KIF5A: variants seen among roughly 807,000 people sequenced by gnomAD.
KIF5A encodes the protein kinesin heavy chain isoform 5A.
A neutral mutation model predicts 141.3 loss-of-function variants in KIF5A; 35 were observed. The observed-to-expected ratio is 0.25, with a 90% confidence interval of 0.19 to 0.33. KIF5A has a LOEUF of 0.33. Ranked by LOEUF, KIF5A falls within the 10% of genes least tolerant of loss-of-function variation. The pLI is 1.00. For synonymous variants in KIF5A, 448 were observed against 500.2 expected (o/e 0.90, Z 1.39); for missense variants, 861 against 1,314.3 (o/e 0.66, Z 5.33).
At position 57,572,143 on chromosome 12, in the gene KIF5A, A is replaced by C; in HGVS notation, c.1445A>C (p.Asp482Ala). ...HLQSENDAAKDEVKEVLQALE... is the reference protein window; with the variant it reads ...HLQSENDAAKAEVKEVLQALE... ...CAATCAGAGAACGATGCCGCTAAGG[A>C]TGAGGTGAAGGAAGTGCTGCAGGCC... is the stretch of plus-strand genomic sequence containing the variant. The change falls in exon 14 of 29, where the codon GAT becomes GCT. Residue 482 changes from aspartate to alanine, a missense_variant. Asp to Ala is a moderately radical substitution (Grantham distance 126). This residue lies in a region of KIF5A where 167 missense variants were observed against 192.0 expected (regional missense o/e 0.87). Transcript: ENST00000455537. This position sits in a 1 kb window ranked among gnomAD's most constrained non-coding sequence, Gnocchi z 4.2. 6.2e-7 allele frequency: 1 copy of C among 1,614,172 alleles called. No individual in the cohort carries two copies. Among genetic ancestry groups the C allele is most frequent in the African/African-American group, 1.3e-5 (1 of 75,062 alleles).
chr12:57,575,378 G>A, intron 16 of KIF5A, 106 bp downstream of exon 16: 1 of 1,302,460 alleles, frequency 7.7e-7, no homozygotes, highest in Non-Finnish European at 1.1e-6. Context: ...AAGTTCTGGG[G>A]TCAAGTGAAA....
In KIF5A at chr12:57,572,032, T is replaced by C; in HGVS notation, c.1363-29T>C. Reference sequence around the variant, plus strand: ...TAGAAATGGTCACTGGCAGTGATCTTTCCCACATGCCACTCCTCTCCCTTG... The same window carrying C: ...TAGAAATGGTCACTGGCAGTGATCTCTCCCACATGCCACTCCTCTCCCTTG... On this transcript the variant is annotated intron_variant, in intron 13 of 28. Transcript: ENST00000455537. The surrounding 1 kb of genome is among the most constrained non-coding windows in gnomAD (Gnocchi z 4.2). 1 of 1,595,792 alleles carries C rather than the reference T, an allele frequency of 6.3e-7. No individual in the cohort carries two copies. Among genetic ancestry groups the C allele is most frequent in the East Asian group, 2.2e-5 (1 of 44,766 alleles).
intron 15 of KIF5A, among the ~76,000 whole-genome samples, chr12:57,573,198 A>C (rs897914572): frequency 6.6e-6 from 1 of 152,152 alleles, no homozygotes; most frequent in African/African-American, 2.4e-5. Flanking sequence ...CTTAAAAACA[A>C]AACAAAACAA....
In KIF5A at chr12:57,551,253, C is replaced by T. The variant is rs80257125; in HGVS notation, c.129+853C>T. On this transcript the variant is annotated intron_variant, in intron 1 of 28. Coordinates refer to ENST00000455537, the MANE Select transcript of KIF5A (RefSeq NM_004984.4). ...TATTAACAGTGGGCCTGTTACTCTA[C>T]GTATATTATTTAACCCCCAAAACAA... is the stretch of plus-strand genomic sequence containing the variant. Among the ~76,000 whole-genome samples the T allele has an allele frequency of 2.8e-3, 428 of 152,256 alleles. 15 individuals are homozygous for T. The East Asian group carries it at 0.072, about 25-fold the overall frequency.
At position 57,572,039 on chromosome 12, in the gene KIF5A, A is replaced by G. The variant is rs373198221; in HGVS notation, c.1363-22A>G. On this transcript the variant is annotated intron_variant, in intron 13 of 28. Transcript: ENST00000455537. This position sits in a 1 kb window ranked among gnomAD's most constrained non-coding sequence, Gnocchi z 4.2. ...GGTCACTGGCAGTGATCTTTCCCACATGCCACTCCTCTCCCTTGAAGCTGC... is the reference window on the plus strand; with the variant it reads ...GGTCACTGGCAGTGATCTTTCCCACGTGCCACTCCTCTCCCTTGAAGCTGC... The G allele has an allele frequency of 6.2e-7, 1 of 1,604,042 alleles. No individual in the cohort carries two copies. The highest frequency in any genetic ancestry group is 8.5e-7 in the Non-Finnish European group (1 of 1,173,086).
chr12:57,576,507 G>A (rs531983858), intron 19 of KIF5A, 129 bp downstream of exon 19: 33 of 779,090 alleles, frequency 4.2e-5, no homozygotes, highest in South Asian at 5.8e-5. Flanking sequence ...CCACAACTTC[G>A]TAGCCCCACC....
chr12:57,564,220 G>C lies in KIF5A; in HGVS notation c.396+8G>C, dbSNP rs1881995138. ...CTTGAGTTCCACATCAAGGTGACCA[G>C]GGCACGACAGCTGGGCATTCAGATG... On this transcript the variant is annotated splice_region_variant and intron_variant, in intron 4 of 28. Transcript: ENST00000455537. The C allele has an allele frequency of 6.4e-7, 1 of 1,572,292 alleles. No individual in the cohort carries two copies. The highest frequency in any genetic ancestry group is 8.8e-7 in the Non-Finnish European group (1 of 1,141,934).
chr12:57,567,072 A>C, intron 6 of KIF5A, 54 bp from the exon 7 acceptor site: 2 of 1,017,452 alleles, frequency 2.0e-6, no homozygotes, highest in South Asian at 3.0e-5. Context: ...TAAATAAATA[A>C]ATACAAACTT....
intron 1 of KIF5A, among the ~76,000 whole-genome samples, chr12:57,555,698 C>G (rs956156480): frequency 6.6e-6 from 1 of 151,594 alleles, no homozygotes; most frequent in Non-Finnish European, 1.5e-5. Context: ...ATAACAAGGT[C>G]AGGAGTTCGA....
rs1282416657 is a variant in KIF5A at position 57,576,248 on chromosome 12, TTGGGG to T, written c.2089-14_2089-10del. 1 of 1,613,274 alleles carries T rather than the reference TTGGGG, an allele frequency of 6.2e-7. No individual in the cohort carries two copies. The highest frequency in any genetic ancestry group is 1.3e-5 in the African/African-American group (1 of 75,006). On this transcript the variant is annotated splice_polypyrimidine_tract_variant and intron_variant, in intron 18 of 28. Transcript: ENST00000455537. ...GTTGCTGGGAGTCTGGCCTTTGAGC[TTGGGG>T]TGGGGTTGTTTGCAGAAGGCTCTGG... is the stretch of plus-strand genomic sequence containing the variant.
rs555572194 is a variant in KIF5A at position 57,574,493 on chromosome 12, C to T, written c.1717-591C>T. ...TTCACCATATTGGCCAGGCTGGTCTCGAACTCCTGACCTCGTAGTCCACCC... is the reference window on the plus strand; with the variant it reads ...TTCACCATATTGGCCAGGCTGGTCTTGAACTCCTGACCTCGTAGTCCACCC... On this transcript the variant is annotated intron_variant, in intron 15 of 28. Transcript: ENST00000455537. Among the ~76,000 whole-genome samples, 11 of 151,698 alleles carry T rather than the reference C, an allele frequency of 7.3e-5. No homozygotes were observed. The East Asian group carries it at 1.2e-3, about 16-fold the overall frequency.
At chr12:57,575,421 C>T in intron 16 of KIF5A, 149 bp downstream of exon 16, 1 of 987,946 alleles carries the variant, frequency 1.0e-6, no homozygotes, top group South Asian at 1.4e-5. Context: ...GGCAGGGGTG[C>T]AGATCAGGGC....
rs770854118 is a variant in KIF5A at position 57,564,073 on chromosome 12, C to G, written c.292-35C>G. 43 of 1,466,760 alleles carry G rather than the reference C, an allele frequency of 2.9e-5. No homozygotes were observed. In the South Asian group the frequency reaches 4.4e-4, roughly 15 times the overall value. The allele number at this position is 1,466,760 out of a possible 1,614,324, so 90.9% of individuals were successfully genotyped here. ...TCTGAGTTGTCTCATTCTCCCTGAG[C>G]CCCAGCTTCACTCTCAAATACCTTC... On this transcript the variant is annotated intron_variant, in intron 3 of 28. Coordinates refer to ENST00000455537, the MANE Select transcript of KIF5A (RefSeq NM_004984.4).
At position 57,582,309 on chromosome 12, in the gene KIF5A, G is replaced by C. The variant is rs148806802; in HGVS notation, c.2993-293G>C. On this transcript the variant is annotated intron_variant, in intron 26 of 28. Coordinates refer to ENST00000455537, the MANE Select transcript of KIF5A (RefSeq NM_004984.4). The stretch of plus-strand genomic sequence containing the variant: ...AAAAGTGACCCTGTACCTACAGCCT[G>C]AGCACTGCCCAGCCCTTTAGGTCTC... Among the ~76,000 whole-genome samples, 599 of 152,180 alleles carry C rather than the reference G, an allele frequency of 3.9e-3. 1 individual carries two copies. The highest frequency in any genetic ancestry group is 0.014 in the African/African-American group (575 of 41,510).
intron 8 of KIF5A, 78 bp from the exon 9 acceptor site, chr12:57,568,885 T>C (rs1388822006): frequency 1.4e-5 from 13 of 912,080 alleles, no homozygotes; most frequent in Non-Finnish European, 2.1e-5. Context: ...CTCCGTGGAC[T>C]GAGCCCTGGA....
At chr12:57,583,243 G>A in intron 28 of KIF5A, 28 bp downstream of exon 28, 3 of 1,391,558 alleles carry the variant, frequency 2.2e-6, no homozygotes, top group Non-Finnish European at 3.0e-6. Flanking sequence ...CCTCGGACCA[G>A]CCTCAGGTTG....
At chr12:57,576,007 C>T in intron 17 of KIF5A, 80 bp from the exon 18 acceptor site, 1 of 1,382,140 alleles carries the variant, frequency 7.2e-7, no homozygotes, top group Non-Finnish European at 1.0e-6. Context: ...CCCAGCCCTG[C>T]CTGGAGTTCT....
chr12:57,581,899 C>T lies in KIF5A; in HGVS notation c.2939C>T (p.Ala980Val), dbSNP rs759169064. ...GCAAACTCCTGTACCAGCAGTGGAG[C>T]CACATCTTCTGGCGGCCCCTTGGCT... ...YFANSCTSSGATSSGGPLASY... is the reference protein window; with the variant it reads ...YFANSCTSSGVTSSGGPLASY... Residue 980 changes from alanine to valine, a missense_variant, in exon 26 of 29, where the codon GCC becomes GTC. Physicochemically the swap from Ala to Val is moderately conservative, Grantham distance 64 (BLOSUM62 0). Transcript: ENST00000455537. 7 of 1,613,964 alleles carry T rather than the reference C, an allele frequency of 4.3e-6. No individual in the cohort carries two copies. In the Admixed American group the frequency reaches 5.0e-5, roughly 12 times the overall value.
Position 57,586,104 on chromosome 12 carries a change from T to C in KIF5A, c.*1923T>C, listed in dbSNP as rs897189318. On this transcript the variant is annotated 3_prime_UTR_variant, in exon 29 of 29. Coordinates refer to ENST00000455537, the MANE Select transcript of KIF5A (RefSeq NM_004984.4). ...TCCTCTGCACTAAAGCTGCAACTCA[T>C]GGAAAAGAGGGCAACGGTGGGGTAG... 3 of 151,940 alleles carry C rather than the reference T, an allele frequency of 2.0e-5. No individual in the cohort carries two copies. The highest frequency in any genetic ancestry group is 4.4e-5 in the Non-Finnish European group (3 of 68,020). 9.4% of individuals were successfully genotyped at this position (151,940 alleles called of 1,614,324 possible).
Sources: allele counts gnomAD v4.1 joint callset (sites outside exome capture counted in the v4.1 genomes callset), GRCh38; gene constraint gnomAD v4.1.1; regional missense constraint gnomAD v4.1.1; non-coding constraint Gnocchi (gnomAD v3.1); transcripts MANE v1.5; gene names NCBI Gene and HGNC (gene_info 2026-07-23, HGNC 2026-07-21).